The following INPP5D variants were observed in gnomAD, a reference collection of about 807,000 sequenced individuals.
INPP5D encodes phosphatidylinositol 3,4,5-trisphosphate 5-phosphatase 1.
Under a neutral mutation model 122.9 loss-of-function variants are expected in INPP5D, and 33 were observed. That is an observed-to-expected ratio of 0.27 (90% confidence interval 0.20 to 0.36). The LOEUF (loss-of-function observed/expected upper bound fraction) is 0.36, where lower values mean the gene tolerates loss of function less well. Among genes scored for constraint, INPP5D ranks in the 10% least tolerant of loss-of-function variants. INPP5D has a pLI of 1.00. For missense variants in INPP5D, 1,053 were observed against 1,412.7 expected, an observed-to-expected ratio of 0.75 and a Z score of 4.08; for synonymous variants, 584 against 576.2, an observed-to-expected ratio of 1.01 and a Z score of -0.19.
intron 5 of INPP5D, among the ~76,000 whole-genome samples, chr2:233,131,999 A>G (rs10199951): frequency 0.039 from 5,883 of 152,316 alleles, 137 homozygotes; most frequent in African/African-American, 0.055. Flanking sequence ...GCACTCACCA[A>G]ATTGGCCAGT....
rs1417919216 is a variant in INPP5D at position 233,100,629 on chromosome 2, G to A, written c.198+21231G>A. Among the ~76,000 whole-genome samples the A allele has an allele frequency of 1.3e-5, 2 of 152,174 alleles. No individual in the cohort carries two copies. Reference sequence around the variant, plus strand: ...CACCCAGAGCTCTCTCTCTTCCCTGGGATGAGGCTTGGTTCTACGGAAGCT... The same window carrying A: ...CACCCAGAGCTCTCTCTCTTCCCTGAGATGAGGCTTGGTTCTACGGAAGCT... On this transcript the variant is annotated intron_variant, in intron 2 of 26. Coordinates refer to ENST00000445964, the MANE Select transcript of INPP5D (RefSeq NM_001017915.3). This position sits in a 1 kb window ranked among gnomAD's most constrained non-coding sequence, Gnocchi z 5.3.
chr2:233,090,047 C>T (rs891072957), intron 2 of INPP5D, among the ~76,000 whole-genome samples: 8 of 152,204 alleles, frequency 5.3e-5, no homozygotes, highest in Non-Finnish European at 1.0e-4. Context: ...GTGTCTGTCT[C>T]CCCCAGTGAG....
At chr2:233,149,842 C>T (rs1693877377) in intron 9 of INPP5D, among the ~76,000 whole-genome samples, 2 of 152,064 alleles carry the variant, frequency 1.3e-5, no homozygotes, top group East Asian at 1.9e-4. Flanking sequence ...TGTGGGTGAA[C>T]ATCAAAGCAA....
intron 14 of INPP5D, chr2:233,169,806 C>T (rs1030092964): frequency 4.1e-6 from 3 of 728,922 alleles, no homozygotes; most frequent in African/African-American, 3.5e-5. Flanking sequence ...TGGTCCCCTG[C>T]CCTCTGTACA....
chr2:233,095,257 A>T (rs1462089259), intron 2 of INPP5D, among the ~76,000 whole-genome samples: 1 of 152,220 alleles, frequency 6.6e-6, no homozygotes, highest in Non-Finnish European at 1.5e-5. Context: ...TTGCACATAC[A>T]TAAGAGTGTT....
chr2:233,116,248 G>GATAGATAGATAGATAGATAGATAGAGAT (rs34084880), intron 2 of INPP5D, among the ~76,000 whole-genome samples: 1 of 135,194 alleles, frequency 7.4e-6, no homozygotes, highest in Non-Finnish European at 1.5e-5. Flanking sequence ...TAGATAGATA[G>GATAGATAGATAGATAGATAGATAGAGAT]ATAGATATAG....
rs1359354683 is a variant in INPP5D at position 233,160,774 on chromosome 2, A to G, written c.1138-950A>G. ...TCAACCTCCTAAGTTGGGAGGGACT[A>G]CAGGCATGCACCACCATGCCTGGCT... On this transcript the variant is annotated intron_variant, in intron 10 of 26. Transcript: ENST00000445964. This position sits in a 1 kb window ranked among gnomAD's most constrained non-coding sequence, Gnocchi z 4.2. 2.0e-5 allele frequency among the ~76,000 whole-genome samples: 3 copies of G among 151,964 alleles called. No individual in the cohort carries two copies. The highest frequency in any genetic ancestry group is 2.1e-4 in the South Asian group (1 of 4,818).
intron 5 of INPP5D, chr2:233,130,870 A>G (rs1440835638): frequency 2.9e-6 from 2 of 693,314 alleles, no homozygotes; most frequent in African/African-American, 1.8e-5. Flanking sequence ...TTTTACAACT[A>G]AAGTTAATTG....
rs993669293 is a variant in INPP5D at position 233,164,963 on chromosome 2, C to T, written c.1555+539C>T. ...GCGGGAGGTGGCTGGCCCCTGCCCT[C>T]GGTCCCTGTGCACCAGGTTGGATCT... On this transcript the variant is annotated intron_variant, in intron 13 of 26. Coordinates refer to ENST00000445964, the MANE Select transcript of INPP5D (RefSeq NM_001017915.3). The surrounding 1 kb of genome is among the most constrained non-coding windows in gnomAD (Gnocchi z 4.3). 6.6e-6 allele frequency among the ~76,000 whole-genome samples: 1 copy of T among 152,212 alleles called. No individual in the cohort carries two copies. The highest frequency in any genetic ancestry group is 1.5e-5 in the Non-Finnish European group (1 of 68,034).
At chr2:233,127,258 A>G (rs1436451160) in intron 4 of INPP5D, among the ~76,000 whole-genome samples, 1 of 152,210 alleles carries the variant, frequency 6.6e-6, no homozygotes, top group East Asian at 1.9e-4. Flanking sequence ...TTTGCTTATC[A>G]TGTCAGTGGA....
intron 14 of INPP5D, 87 bp from the exon 15 acceptor site, chr2:233,169,939 C>A: frequency 6.3e-7 from 1 of 1,598,104 alleles, no homozygotes; most frequent in Non-Finnish European, 8.5e-7. Flanking sequence ...GCTCCTCGCC[C>A]CACACCTATG....
intron 6 of INPP5D, among the ~76,000 whole-genome samples, chr2:233,143,424 T>C (rs1315509287): frequency 6.6e-6 from 1 of 152,126 alleles, no homozygotes; most frequent in African/African-American, 2.4e-5. Context: ...TGTTCTCTAC[T>C]GTGAAAAGGA....
At chr2:233,129,208 A>AT (rs547926870) in intron 4 of INPP5D, among the ~76,000 whole-genome samples, 3 of 152,094 alleles carry the variant, frequency 2.0e-5, no homozygotes, top group Non-Finnish European at 4.4e-5. Context: ...GCTTGTAATA[A>AT]TTTTTTCCAC....
intron 1 of INPP5D, among the ~76,000 whole-genome samples, chr2:233,069,458 G>A (rs1691318674): frequency 6.6e-6 from 1 of 152,102 alleles, no homozygotes; most frequent in Non-Finnish European, 1.5e-5. Flanking sequence ...TAATTCACTG[G>A]TGTATCTTCT....
rs868066681 is a variant in INPP5D at position 233,183,863 on chromosome 2, C to G, written c.2162-545C>G. On this transcript the variant is annotated intron_variant, in intron 19 of 26. Transcript: ENST00000445964. The surrounding 1 kb of genome is among the most constrained non-coding windows in gnomAD (Gnocchi z 4.6). The stretch of plus-strand genomic sequence containing the variant: ...TCAAAATTTCTATGAAAGGACAGAA[C>G]ACTTGTTTAAAAGCAGCTTAAGGAT... 4.6e-5 allele frequency among the ~76,000 whole-genome samples: 7 copies of G among 152,360 alleles called. No individual in the cohort carries two copies. The highest frequency in any genetic ancestry group is 3.4e-3 in the Middle Eastern group (1 of 294).
At chr2:233,148,347 G>C (rs1409963158) in intron 9 of INPP5D, among the ~76,000 whole-genome samples, 2 of 148,956 alleles carry the variant, frequency 1.3e-5, no homozygotes, top group Admixed American at 6.7e-5. Flanking sequence ...AGGGCAAAGG[G>C]GTAGAGGTTA....
intron 2 of INPP5D, among the ~76,000 whole-genome samples, chr2:233,121,404 C>T (rs933562207): frequency 6.6e-6 from 1 of 151,856 alleles, no homozygotes; most frequent in African/African-American, 2.4e-5. Context: ...TCCCAAAGTG[C>T]TGGGATTACC....
At chr2:233,171,615 T>C (rs1694495762) in intron 17 of INPP5D, among the ~76,000 whole-genome samples, 2 of 152,222 alleles carry the variant, frequency 1.3e-5, no homozygotes, top group Admixed American at 1.3e-4. Flanking sequence ...TAATGTCTTA[T>C]GAGGCCACTT....
chr2:233,174,179 C>A (rs970401865), intron 17 of INPP5D, among the ~76,000 whole-genome samples: 1 of 152,196 alleles, frequency 6.6e-6, no homozygotes, highest in African/African-American at 2.4e-5. Flanking sequence ...TAAATAATAT[C>A]GTAAACACGG....
Sources: gnomAD v4.1 joint callset for allele counts (sites outside exome capture counted in the v4.1 genomes callset) on GRCh38, gnomAD v4.1.1 for gene constraint, Gnocchi (gnomAD v3.1) non-coding constraint, MANE v1.5 for transcripts, NCBI Gene and HGNC (gene_info 2026-07-23, HGNC 2026-07-21) for gene names.